Variants in NSMCE2 observed in about 807,000 individuals in gnomAD.
NSMCE2 encodes the protein NSE2 SUMO ligase component of SMC5/6 complex.
NSMCE2 carries 24 observed loss-of-function variants against 23.8 expected under a neutral mutation model. The observed-to-expected ratio is 1.01, with a 90% CI of 0.73 to 1.42. NSMCE2 has a LOEUF of 1.42. NSMCE2 is among the 40% of genes most tolerant of loss of function. NSMCE2 has a pLI of 0.00. For synonymous variants in NSMCE2, 92 were observed against 94.1 expected (o/e 0.98, Z 0.13); for missense variants, 284 against 296.5 (o/e 0.96, Z 0.31).
At chr8:125,124,456 G>C (rs1430380528) in intron 3 of NSMCE2, among the ~76,000 whole-genome samples, 1 of 150,652 alleles carries the variant, frequency 6.6e-6, no homozygotes, top group Non-Finnish European at 1.5e-5. Context: ...TTTTTAAAGT[G>C]GATTCCTCAG....
At chr8:125,160,566 G>A (rs1821558273) in intron 4 of NSMCE2, among the ~76,000 whole-genome samples, 1 of 152,212 alleles carries the variant, frequency 6.6e-6, no homozygotes. Flanking sequence ...AGTGAACAAT[G>A]TGACATTTGG....
intron 5 of NSMCE2, among the ~76,000 whole-genome samples, chr8:125,276,437 T>C (rs1827452069): frequency 6.6e-6 from 1 of 151,806 alleles, no homozygotes; most frequent in Admixed American, 6.6e-5. Flanking sequence ...TTACTTTGCT[T>C]ACTGATACCT....
At chr8:125,105,166 A>AAT (rs1818395567) in intron 3 of NSMCE2, among the ~76,000 whole-genome samples, 1 of 152,126 alleles carries the variant, frequency 6.6e-6, no homozygotes, top group Admixed American at 6.5e-5. Flanking sequence ...TATTTTGTTT[A>AAT]GTTTTTCAGT....
At chr8:125,306,028 T>G (rs897807525) in intron 5 of NSMCE2, among the ~76,000 whole-genome samples, 1 of 152,200 alleles carries the variant, frequency 6.6e-6, no homozygotes, top group African/African-American at 2.4e-5. Context: ...GGTCATAGTA[T>G]TGAATAAGTT....
chr8:125,281,010 G>T (rs1014237515), intron 5 of NSMCE2, among the ~76,000 whole-genome samples: 1 of 152,188 alleles, frequency 6.6e-6, no homozygotes, highest in African/African-American at 2.4e-5. Flanking sequence ...AGAAAACTCT[G>T]CCTGCCTATC....
At chr8:125,146,455 A>G (rs1282576823) in intron 3 of NSMCE2, among the ~76,000 whole-genome samples, 1 of 152,196 alleles carries the variant, frequency 6.6e-6, no homozygotes, top group Admixed American at 6.5e-5. Flanking sequence ...ACATATGTTT[A>G]TTGCGGCACT....
chr8:125,173,477 C>G (rs978526945), intron 4 of NSMCE2, among the ~76,000 whole-genome samples: 5 of 152,172 alleles, frequency 3.3e-5, no homozygotes, highest in Non-Finnish European at 7.3e-5. Context: ...GGAACTGAAT[C>G]TTCAGAAGAT....
chr8:125,344,383 C>A (rs1186235288), intron 5 of NSMCE2, among the ~76,000 whole-genome samples: 2 of 152,072 alleles, frequency 1.3e-5, no homozygotes, highest in African/African-American at 4.8e-5. Context: ...GTTATGTCAC[C>A]CACACAGGAT....
chr8:125,357,738 TAA>T lies in NSMCE2; in HGVS notation c.548_549del (p.Lys183SerfsTer7). Reference sequence around the variant, plus strand: ...AGGAAATGAAGAAGCCAGTGAAAAATAAAGTGTGTGGCCACACCTATGAAGAG... The same window carrying T: ...AGGAAATGAAGAAGCCAGTGAAAAATAGTGTGTGGCCACACCTATGAAGAG... ...KEEMKKPVKN[K>X]VCGHTYEEDA... is the part of the protein sequence containing the mutation. On this transcript the variant is annotated frameshift_variant, in exon 7 of 8. Coordinates refer to ENST00000287437, the MANE Select transcript of NSMCE2 (RefSeq NM_173685.4). LOFTEE classifies it high-confidence loss of function. The T allele has an allele frequency of 6.2e-7, 1 of 1,613,788 alleles. No individual in the cohort carries two copies. Among genetic ancestry groups the T allele is most frequent in the Non-Finnish European group, 8.5e-7 (1 of 1,179,808 alleles).
At chr8:125,357,130 C>A in intron 5 of NSMCE2, 89 bp from the exon 6 acceptor site, 1 of 829,564 alleles carries the variant, frequency 1.2e-6, no homozygotes. Flanking sequence ...AAATGCTCCC[C>A]CAGAAACTCT....
In NSMCE2 at chr8:125,333,628, C is replaced by G. The variant is rs575427019; in HGVS notation, c.419-23591C>G. On this transcript the variant is annotated intron_variant, in intron 5 of 7. Coordinates refer to ENST00000287437, the MANE Select transcript of NSMCE2 (RefSeq NM_173685.4). ...CTCCCGGGTTCACGCCATTCTCCTGCCTCAGCCTCCCAAGTAGCTAGGACT... is the reference window on the plus strand; with the variant it reads ...CTCCCGGGTTCACGCCATTCTCCTGGCTCAGCCTCCCAAGTAGCTAGGACT... Among the ~76,000 whole-genome samples, 5 of 147,236 alleles carry G rather than the reference C, an allele frequency of 3.4e-5. No individual in the cohort carries two copies. In the East Asian group the frequency reaches 1.0e-3, roughly 30 times the overall value.
At chr8:125,249,667 C>G (rs993706461) in intron 5 of NSMCE2, among the ~76,000 whole-genome samples, 1 of 152,202 alleles carries the variant, frequency 6.6e-6, no homozygotes, top group African/African-American at 2.4e-5. Context: ...TTTGAGTTCT[C>G]TTTCCCACAC....
intron 5 of NSMCE2, among the ~76,000 whole-genome samples, chr8:125,353,549 A>C (rs1467236249): frequency 6.6e-6 from 1 of 152,034 alleles, no homozygotes; most frequent in African/African-American, 2.4e-5. Context: ...CAGAGACCCC[A>C]CCCCACAGCA....
At chr8:125,348,825 T>C (rs1274150231) in intron 5 of NSMCE2, 1 of 152,104 alleles carries the variant, frequency 6.6e-6, no homozygotes, top group Non-Finnish European at 1.5e-5. Context: ...CAGTCTTGGA[T>C]GTGTCTTTAT....
At chr8:125,212,824 C>T (rs1386290784) in intron 5 of NSMCE2, among the ~76,000 whole-genome samples, 5 of 152,086 alleles carry the variant, frequency 3.3e-5, no homozygotes, top group African/African-American at 9.7e-5. Context: ...GATTTCAGCC[C>T]GGGTTCTAAT....
intron 5 of NSMCE2, among the ~76,000 whole-genome samples, chr8:125,191,140 G>A (rs1823327435): frequency 6.6e-6 from 1 of 152,138 alleles, no homozygotes; most frequent in Non-Finnish European, 1.5e-5. Context: ...CCAAAGCACT[G>A]GGATTACAGG....
intron 5 of NSMCE2, among the ~76,000 whole-genome samples, chr8:125,255,233 C>A (rs1427741631): frequency 2.0e-5 from 3 of 152,126 alleles, no homozygotes; most frequent in African/African-American, 7.2e-5. Flanking sequence ...GACAAGTCAT[C>A]AGTCATCCAT....
chr8:125,182,948 A>G (rs1288115121), intron 5 of NSMCE2, among the ~76,000 whole-genome samples: 1 of 152,204 alleles, frequency 6.6e-6, no homozygotes, highest in Non-Finnish European at 1.5e-5. Context: ...CCATTCTTCC[A>G]TATGGTCCAC....
intron 5 of NSMCE2, among the ~76,000 whole-genome samples, chr8:125,209,311 T>C (rs1473152537): frequency 6.6e-6 from 1 of 152,230 alleles, no homozygotes; most frequent in South Asian, 2.1e-4. Context: ...GAAACCCCCA[T>C]TGAGTGATGT....
Sources: gnomAD v4.1 joint callset for allele counts (sites outside exome capture counted in the v4.1 genomes callset) on GRCh38, gnomAD v4.1.1 for gene constraint, MANE v1.5 for transcripts, NCBI Gene and HGNC (gene_info 2026-07-23, HGNC 2026-07-21) for gene names.